The following MME variants were observed in gnomAD, a reference collection of about 807,000 sequenced individuals.
The protein encoded by MME is membrane metalloendopeptidase.
In MME, 98 loss-of-function variants were observed where a neutral mutation model predicts 113.2. The observed-to-expected ratio is 0.87, with a 90% confidence interval of 0.74 to 1.02. The LOEUF (loss-of-function observed/expected upper bound fraction) is 1.02, where lower values mean the gene tolerates loss of function less well. MME is among the 50% of genes least tolerant of loss of function. MME has a pLI of 0.00. For synonymous variants in MME, 292 were observed against 300.6 expected, an observed-to-expected ratio of 0.97 and a Z score of 0.30; for missense variants, 836 against 896.0, an observed-to-expected ratio of 0.93 and a Z score of 0.86.
chr3:155,042,932 A>ATATATG (rs1553749802), intron 1 of MME, among the ~76,000 whole-genome samples: 88 of 63,396 alleles, frequency 1.4e-3, no homozygotes, highest in Middle Eastern at 7.2e-3. Context: ...ATATATATAT[A>ATATATG]TATATATGTA....
chr3:155,100,993 T>C (rs993989788), intron 3 of MME, among the ~76,000 whole-genome samples: 1 of 152,202 alleles, frequency 6.6e-6, no homozygotes, highest in South Asian at 2.1e-4. Flanking sequence ...ATTTGGATCA[T>C]GGGGGCAGAT....
At chr3:155,079,772 T>A (rs868044382), upstream of MME, 1 of 152,188 alleles carries the variant, frequency 6.6e-6, no homozygotes, top group African/African-American at 2.4e-5. Flanking sequence ...TCTCTGTGGG[T>A]GCGGGTCGGA....
At chr3:155,049,920 T>C (rs56393356) in intron 1 of MME, among the ~76,000 whole-genome samples, 4,607 of 152,276 alleles carry the variant, frequency 0.03, 103 homozygotes, top group Non-Finnish European at 0.048. Context: ...GTACAGATTA[T>C]TTCATCACCC....
intron 8 of MME, among the ~76,000 whole-genome samples, chr3:155,132,148 A>G (rs962160258): frequency 6.6e-6 from 1 of 152,210 alleles, no homozygotes; most frequent in Admixed American, 6.5e-5. Flanking sequence ...TTACCCAGAT[A>G]TCAATCTGAC....
chr3:155,167,802 G>C (rs2108364770), intron 18 of MME, among the ~76,000 whole-genome samples: 1 of 152,080 alleles, frequency 6.6e-6, no homozygotes. Flanking sequence ...TTTCCAAGTG[G>C]AAAAAAATAA....
intron 1 of MME, among the ~76,000 whole-genome samples, chr3:155,083,229 G>A (rs150593371): frequency 2.0e-5 from 3 of 152,220 alleles, no homozygotes; most frequent in Non-Finnish European, 4.4e-5. Context: ...GAATATTGAC[G>A]AGTTGTGTAG....
intron 1 of MME, among the ~76,000 whole-genome samples, chr3:155,063,022 G>T (rs1388951237): frequency 3.4e-5 from 4 of 118,720 alleles, no homozygotes; most frequent in Admixed American, 3.2e-4. Flanking sequence ...GACAGACTGA[G>T]ACTCCATCTC....
chr3:155,168,597 T>C lies in MME; in HGVS notation c.1886T>C (p.Phe629Ser). 1 of 1,613,848 alleles carries C rather than the reference T, an allele frequency of 6.2e-7. No individual in the cohort carries two copies. Among genetic ancestry groups the C allele is most frequent in the Non-Finnish European group, 8.5e-7 (1 of 1,179,856 alleles). ...SQCMVYQYGN[F>S]SWDLAGGQHL... ...TGCATGGTGTATCAGTATGGAAACT[T>C]TTCCTGGGACCTGGCAGGTGGACAG... Residue 629 changes from phenylalanine to serine, a missense_variant, in exon 19 of 23, where the codon TTT (phenylalanine) becomes TCT (serine). By Grantham distance (155) the Phe-to-Ser change is radical. Coordinates refer to ENST00000360490, the MANE Select transcript of MME (RefSeq NM_007289.4).
intron 1 of MME, among the ~76,000 whole-genome samples, chr3:155,068,610 A>G (rs780561678): frequency 6.6e-6 from 1 of 152,214 alleles, no homozygotes; most frequent in Non-Finnish European, 1.5e-5. Flanking sequence ...GGCCTAGCAT[A>G]GCATGTGCTA....
upstream of MME, among the ~76,000 whole-genome samples, chr3:155,077,027 CCT>C (rs1714771004): frequency 6.6e-6 from 1 of 152,116 alleles, no homozygotes; most frequent in Non-Finnish European, 1.5e-5. Flanking sequence ...CAACCGACCT[CCT>C]ACATCATCGT....
At chr3:155,026,022 A>T (rs1241341595) in intron 1 of MME, among the ~76,000 whole-genome samples, 1 of 152,134 alleles carries the variant, frequency 6.6e-6, no homozygotes, top group African/African-American at 2.4e-5. Flanking sequence ...CCTAAAAAAA[A>T]GCCAAACACA....
In MME at chr3:155,181,173, TC is replaced by T. The variant is rs1713049436; in HGVS notation, c.*715del. The T allele has an allele frequency of 6.6e-6, 1 of 152,080 alleles. No homozygotes were observed. Among genetic ancestry groups the T allele is most frequent in the Admixed American group, 6.5e-5 (1 of 15,270 alleles). 9.4% of individuals were successfully genotyped at this position (152,080 alleles called of 1,614,324 possible). On this transcript the variant is annotated 3_prime_UTR_variant, in exon 23 of 23. Transcript: ENST00000360490. ...TCTATCTCTCAAAACTTGGTATTTT[TC>T]AGAGATTTATATAAATGTAAAAATA...
chr3:155,101,242 C>T (rs944847361), intron 3 of MME, among the ~76,000 whole-genome samples: 1 of 152,178 alleles, frequency 6.6e-6, no homozygotes, highest in African/African-American at 2.4e-5. Flanking sequence ...AACCTCTTTT[C>T]TTTATAAATT....
chr3:155,072,864 A>T (rs566524200), intron 1 of MME, among the ~76,000 whole-genome samples: 4 of 152,328 alleles, frequency 2.6e-5, no homozygotes, highest in African/African-American at 9.6e-5. Context: ...ACCAAAGTTT[A>T]CCAAAGTTTA....
intron 1 of MME, chr3:155,081,266 A>G (rs1224073586): frequency 6.6e-6 from 1 of 152,232 alleles, no homozygotes; most frequent in African/African-American, 2.4e-5. Context: ...TAAGTCTGTA[A>G]GTCAATGAGA....
chr3:155,175,987 A>G (rs1414165118), intron 22 of MME, among the ~76,000 whole-genome samples: 2 of 152,174 alleles, frequency 1.3e-5, no homozygotes, highest in African/African-American at 4.8e-5. Context: ...TACAGCATTT[A>G]TTTATTTATG....
intron 1 of MME, among the ~76,000 whole-genome samples, chr3:155,072,129 C>T (rs1007570893): frequency 6.8e-6 from 1 of 146,020 alleles, no homozygotes; most frequent in African/African-American, 2.6e-5. Context: ...CCACTGCAGT[C>T]CGCAGTCCGG....
chr3:155,114,612 G>T (rs1408992775), intron 3 of MME, among the ~76,000 whole-genome samples: 1 of 152,132 alleles, frequency 6.6e-6, no homozygotes, highest in African/African-American at 2.4e-5. Context: ...GAGCAGAGTT[G>T]GCAACTAAAG....
chr3:155,103,833 C>A (rs1226919568), intron 3 of MME, among the ~76,000 whole-genome samples: 1 of 152,208 alleles, frequency 6.6e-6, no homozygotes, highest in Non-Finnish European at 1.5e-5. Flanking sequence ...TCTGTCCCTG[C>A]TCACTTCATT....
Sources: gnomAD v4.1 joint callset for allele counts (sites outside exome capture counted in the v4.1 genomes callset) on GRCh38, gnomAD v4.1.1 for gene constraint, MANE v1.5 for transcripts, NCBI Gene and HGNC (gene_info 2026-07-23, HGNC 2026-07-21) for gene names.